The following PPWD1 variants were observed in gnomAD, a reference collection of about 807,000 sequenced individuals.
PPWD1 encodes the protein peptidylprolyl isomerase domain and WD repeat-containing protein 1.
PPWD1 carries 43 observed loss-of-function variants against 68.8 expected under a neutral mutation model. The observed-to-expected ratio is 0.62, with a 90% CI of 0.49 to 0.81. The LOEUF is 0.81. PPWD1 is among the 30% of genes least tolerant of loss of function. The probability of loss-of-function intolerance (pLI) is 0.00; values close to 1 mark genes in which losing one functional copy is unlikely to be tolerated. For missense variants in PPWD1, 672 were observed against 804.8 expected, an observed-to-expected ratio of 0.83 and a Z score of 2.00; for synonymous variants, 232 against 258.7, an observed-to-expected ratio of 0.90 and a Z score of 0.99.
intron 6 of PPWD1, among the ~76,000 whole-genome samples, chr5:65,578,753 T>C (rs1456169695): frequency 1.4e-5 from 1 of 73,556 alleles, no homozygotes; most frequent in African/African-American, 6.5e-5. Context: ...TATACACACA[T>C]ATATGTGTAT....
intron 2 of PPWD1, among the ~76,000 whole-genome samples, chr5:65,568,629 T>C (rs1157416534): frequency 6.6e-6 from 1 of 152,116 alleles, no homozygotes; most frequent in Non-Finnish European, 1.5e-5. Context: ...TATAGAAATC[T>C]GGATGAGATA....
chr5:65,571,943 G>T lies in PPWD1; in HGVS notation c.626G>T (p.Arg209Leu). 4 of 1,614,002 alleles carry T rather than the reference G, an allele frequency of 2.5e-6. No homozygotes were observed. Among genetic ancestry groups the T allele is most frequent in the Non-Finnish European group, 3.4e-6 (4 of 1,179,942 alleles). ...GGAAAAATTTTCATTTATGATGGCC[G>T]AGGAGATAACCAGCCACTTCATATT... ...STGKIFIYDG[R>L]GDNQPLHIFD... is the part of the protein sequence containing the mutation. The change falls in exon 5 of 11, where the codon CGA (arginine) becomes CTA (leucine). Residue 209 changes from arginine (R) to leucine (L), a missense_variant. Arg to Leu is a moderately radical substitution (Grantham distance 102). Coordinates refer to ENST00000261308, the MANE Select transcript of PPWD1 (RefSeq NM_015342.4).
At chr5:65,583,321 G>A in intron 8 of PPWD1, 102 bp downstream of exon 8, 1 of 1,237,942 alleles carries the variant, frequency 8.1e-7, no homozygotes, top group Non-Finnish European at 1.1e-6. Flanking sequence ...TTTGACTTAA[G>A]GAATTTTGAA....
chr5:65,585,559 T>C (rs1270097869), intron 9 of PPWD1, among the ~76,000 whole-genome samples: 2 of 152,054 alleles, frequency 1.3e-5, no homozygotes. Context: ...GGGGCACTGA[T>C]ACAGTGCTTG....
intron 6 of PPWD1, among the ~76,000 whole-genome samples, chr5:65,578,581 A>G (rs200884267): frequency 2.0e-5 from 3 of 151,970 alleles, no homozygotes; most frequent in East Asian, 1.9e-4. Flanking sequence ...CTGGCAACAT[A>G]TGAGGTGGAG....
At chr5:65,578,577 A>G (rs1214277964) in intron 6 of PPWD1, among the ~76,000 whole-genome samples, 1 of 151,990 alleles carries the variant, frequency 6.6e-6, no homozygotes, top group Non-Finnish European at 1.5e-5. Context: ...TTCCCTGGCA[A>G]CATATGAGGT....
chr5:65,576,107 C>G (rs1753267453), intron 5 of PPWD1, among the ~76,000 whole-genome samples: 1 of 92,992 alleles, frequency 1.1e-5, no homozygotes, highest in South Asian at 3.5e-4. Context: ...TAAGTTATCT[C>G]AATTTTTTAT....
chr5:65,585,156 T>A, intron 9 of PPWD1, 61 bp downstream of exon 9: 1 of 1,475,642 alleles, frequency 6.8e-7, no homozygotes, highest in Non-Finnish European at 9.4e-7. Context: ...GCAAGAGATT[T>A]AAGCGCAAGG....
In PPWD1 at chr5:65,587,422, C is replaced by T. The variant is rs141224482; in HGVS notation, c.*26C>T. The T allele has an allele frequency of 6.5e-7, 1 of 1,546,074 alleles. No individual in the cohort carries two copies. The highest frequency in any genetic ancestry group is 1.1e-5 in the South Asian group (1 of 87,106). Reference sequence around the variant, plus strand: ...AATAAGATTTGTTTTAATGTACTTGCAAATAAAAATACAATATTAAACAGA... The same window carrying T: ...AATAAGATTTGTTTTAATGTACTTGTAAATAAAAATACAATATTAAACAGA... On this transcript the variant is annotated 3_prime_UTR_variant, in exon 11 of 11. Coordinates refer to ENST00000261308, the MANE Select transcript of PPWD1 (RefSeq NM_015342.4).
chr5:65,576,430 G>A (rs1337418971), intron 5 of PPWD1: 16 of 811,250 alleles, frequency 2.0e-5, no homozygotes, highest in Non-Finnish European at 2.4e-5. Context: ...AGGCCAGAGT[G>A]CAGTGGCGCA....
chr5:65,581,512 C>T (rs1290554244), intron 7 of PPWD1, among the ~76,000 whole-genome samples: 3 of 152,172 alleles, frequency 2.0e-5, no homozygotes, highest in East Asian at 1.9e-4. Context: ...CTTGAGCCAA[C>T]GAATTCAAGG....
intron 5 of PPWD1, among the ~76,000 whole-genome samples, chr5:65,575,073 T>C (rs1177454939): frequency 6.6e-6 from 1 of 152,232 alleles, no homozygotes; most frequent in Non-Finnish European, 1.5e-5. Context: ...AATTATCTTT[T>C]AGTATTTATT....
At position 65,587,165 on chromosome 5, in the gene PPWD1, CTTAAA is replaced by C. The variant is rs534774994; in HGVS notation, c.1798-85_1798-81del. ...AATATATGCTAAAGGGGAGCGTAAA[CTTAAA>C]TTCTCTTTAATTTGCTCAACCAGAG... On this transcript the variant is annotated intron_variant, in intron 10 of 10. Coordinates refer to ENST00000261308, the MANE Select transcript of PPWD1 (RefSeq NM_015342.4). The C allele has an allele frequency of 1.9e-4, 254 of 1,368,546 alleles. No individual in the cohort carries two copies. In the African/African-American group the frequency reaches 3.4e-3, roughly 18 times the overall value. 84.8% of individuals were successfully genotyped at this position (1,368,546 alleles called of 1,614,324 possible). A position where few individuals can be genotyped will look rare whatever the true frequency, so the allele number is the denominator to read the frequency against.
Position 65,573,477 on chromosome 5 carries a change from T to TA in PPWD1, c.969+1191_969+1192insA, listed in dbSNP as rs1561725705. ...TTAGCTAATATATATATATATATATTTTTTTTTTATTAGAGATGGGTTTTT... is the reference window on the plus strand; with the variant it reads ...TTAGCTAATATATATATATATATATTATTTTTTTTATTAGAGATGGGTTTTT... On this transcript the variant is annotated intron_variant, in intron 5 of 10. Coordinates refer to ENST00000261308, the MANE Select transcript of PPWD1 (RefSeq NM_015342.4). Among the ~76,000 whole-genome samples the TA allele has an allele frequency of 8.4e-4, 17 of 20,162 alleles. 2 individuals carry two copies. The highest frequency in any genetic ancestry group is 1.8e-3 in the African/African-American group (8 of 4,406). 13.2% of individuals were successfully genotyped at this position (20,162 alleles called of 152,430 possible). A position where few individuals can be genotyped will look rare whatever the true frequency, so the allele number is the denominator to read the frequency against.
chr5:65,579,456 T>C lies in PPWD1; in HGVS notation c.1193T>C (p.Ile398Thr), dbSNP rs114773980. Residue 398 changes from isoleucine (I) to threonine (T), a missense_variant, in exon 7 of 11, where the codon ATT becomes ACT. By Grantham distance (89) the Ile-to-Thr change is moderately conservative. Coordinates refer to ENST00000261308, the MANE Select transcript of PPWD1 (RefSeq NM_015342.4). ...CGGATTTTAGGCAAACAAGAAAATA[T>C]TAGAGTGATGCAATTGGCTTTGTTC... ...CVRILGKQENIRVMQLALFQG... is the reference protein window; with the variant it reads ...CVRILGKQENTRVMQLALFQG... 1.9e-6 allele frequency: 3 copies of C among 1,590,296 alleles called. No homozygotes were observed. Among genetic ancestry groups the C allele is most frequent in the South Asian group, 1.2e-5 (1 of 86,550 alleles).
intron 5 of PPWD1, 74 bp downstream of exon 5, chr5:65,572,360 C>T: frequency 1.5e-6 from 2 of 1,360,694 alleles, no homozygotes; most frequent in Non-Finnish European, 2.0e-6. Context: ...CTTGAAAGAT[C>T]TTTTTTCTAC....
At chr5:65,564,853 A>T (rs1752645488) in intron 1 of PPWD1, among the ~76,000 whole-genome samples, 1 of 152,118 alleles carries the variant, frequency 6.6e-6, no homozygotes, top group African/African-American at 2.4e-5. Flanking sequence ...TCTTCCACTG[A>T]ACTGACTTTT....
At chr5:65,569,578 A>G (rs149208) in intron 2 of PPWD1, 54 bp from the exon 3 acceptor site, 960,656 of 1,483,416 alleles carry the variant, frequency 0.65, 313,838 homozygotes, top group African/African-American at 0.74. Flanking sequence ...TGGGAATACT[A>G]AGTGATTCAT....
intron 1 of PPWD1, among the ~76,000 whole-genome samples, chr5:65,564,328 T>C (rs1275218258): frequency 1.3e-4 from 19 of 146,690 alleles, no homozygotes; most frequent in African/African-American, 4.2e-4. Context: ...CTTTTTTTTT[T>C]TTTTTTTTTT....
Sources: allele counts gnomAD v4.1 joint callset (sites outside exome capture counted in the v4.1 genomes callset), GRCh38; gene constraint gnomAD v4.1.1; transcripts MANE v1.5; gene names NCBI Gene and HGNC (gene_info 2026-07-23, HGNC 2026-07-21).